SDF4: variants seen among roughly 807,000 people sequenced by gnomAD.
SDF4 encodes stromal cell derived factor 4, also known as 45 kDa calcium-binding protein.
Under a neutral mutation model 34.2 loss-of-function variants are expected in SDF4, and 22 were observed. The observed-to-expected ratio is 0.64, with a 90% confidence interval of 0.46 to 0.92. The LOEUF is 0.92. Ranked by LOEUF, SDF4 falls within the 40% of genes least tolerant of loss-of-function variation. The pLI is 0.00. For missense variants in SDF4, 447 were observed against 499.9 expected, an observed-to-expected ratio of 0.89 and a Z score of 1.01; for synonymous variants, 236 against 203.1, an observed-to-expected ratio of 1.16 and a Z score of -1.38.
At position 1,228,711 on chromosome 1, in the gene SDF4, G is replaced by A. The variant is rs1191724470; in HGVS notation, c.62C>T (p.Ala21Val). Residue 21 changes from alanine to valine, a missense_variant, in exon 2 of 7, where the codon GCA (alanine) becomes GTA (valine). Coordinates refer to ENST00000360001, the MANE Select transcript of SDF4 (RefSeq NM_016176.6). Reference protein sequence around the residue: ...LAPCCLWLLGAVLLMDASARP... With the variant: ...LAPCCLWLLGVVLLMDASARP... ...TGCAGACGCGTCCATCAGAAGGACT[G>A]CCCCCAGGAGCCAGAGGCAGCACGG... 14 of 1,612,754 alleles carry A rather than the reference G, an allele frequency of 8.7e-6. No individual in the cohort carries two copies. The highest frequency in any genetic ancestry group is 1.7e-5 in the Admixed American group (1 of 59,988).
rs200644350 is a variant in SDF4, at chr1:1,218,938, C to A, written c.557-11G>T. The A allele has an allele frequency of 5.6e-6, 9 of 1,610,168 alleles. No individual in the cohort carries two copies. The highest frequency in any genetic ancestry group is 7.6e-6 in the Non-Finnish European group (9 of 1,178,604). ...CCAGGACTTCCTGTGCTGAGAGGGGCGCAGCCTGTGGGTATCGAGGCCGAC... is the reference window on the plus strand; with the variant it reads ...CCAGGACTTCCTGTGCTGAGAGGGGAGCAGCCTGTGGGTATCGAGGCCGAC... On this transcript the variant is annotated splice_polypyrimidine_tract_variant and intron_variant, in intron 4 of 6. Coordinates refer to ENST00000360001, the MANE Select transcript of SDF4 (RefSeq NM_016176.6). The surrounding 1 kb of genome is among the most constrained non-coding windows in gnomAD (Gnocchi z 7.9).
intron 4 of SDF4, among the ~76,000 whole-genome samples, chr1:1,221,567 G>GT (rs1185965215): frequency 1.3e-5 from 2 of 152,146 alleles, no homozygotes; most frequent in African/African-American, 4.8e-5. Flanking sequence ...AGCCCAGGAT[G>GT]TGGAGGCTAC....
chr1:1,231,213 A>G (rs1638482988), intron 1 of SDF4, among the ~76,000 whole-genome samples: 1 of 152,216 alleles, frequency 6.6e-6, no homozygotes, highest in East Asian at 1.9e-4. Context: ...TTCGCAGCAC[A>G]GCGGAGCGGG....
At position 1,218,858 on chromosome 1, in the gene SDF4, A is replaced by G. The variant is rs759856530; in HGVS notation, c.626T>C (p.Leu209Pro). ...GAACGACAGGAACTCCTCCTCCGTC[A>G]GCAGCAGGTCTGCAGGGGGGCTGTC... ...QADSPPADLLLTEEEFLSFLH... is the reference protein window; with the variant it reads ...QADSPPADLLPTEEEFLSFLH... Residue 209 changes from leucine (L) to proline (P), a missense_variant, in exon 5 of 7, where the codon CTG (leucine) becomes CCG (proline). By Grantham distance (98) the Leu-to-Pro change is moderately conservative. Transcript: ENST00000360001. The surrounding 1 kb of genome is among the most constrained non-coding windows in gnomAD (Gnocchi z 7.9). The G allele has an allele frequency of 2.1e-5, 34 of 1,598,204 alleles. No homozygotes were observed. The highest frequency in any genetic ancestry group is 2.7e-5 in the Non-Finnish European group (32 of 1,169,268).
intron 1 of SDF4, 126 bp from the exon 2 acceptor site, chr1:1,229,072 ACCACACGTGGCACTGCCTTCTCCAG>A: frequency 2.5e-6 from 1 of 407,714 alleles, no homozygotes; most frequent in African/African-American, 2.9e-5. Flanking sequence ...CCTTCTCCAG[ACCACACGTGGCACTGCCTTCTCCAG>A]ACCACACGTG....
chr1:1,223,873 T>C lies in SDF4; in HGVS notation c.401A>G (p.Glu134Gly). ...TAEHFQEAMEESKTHFRAVDP... is the reference protein window; with the variant it reads ...TAEHFQEAMEGSKTHFRAVDP... ...CACGGCGCGGAAGTGTGTCTTGCTC[T>C]CCTCCATGGCCTCCTGGAAGTGCTC... Residue 134 changes from glutamate to glycine, a missense_variant, in exon 3 of 7, where the codon GAG becomes GGG. Transcript: ENST00000360001. 6.3e-7 allele frequency: 1 copy of C among 1,592,600 alleles called. No homozygotes were observed. Among genetic ancestry groups the C allele is most frequent in the South Asian group, 1.1e-5 (1 of 90,702 alleles).
intron 4 of SDF4, chr1:1,219,975 G>C: frequency 1.0e-6 from 1 of 985,654 alleles, no homozygotes; most frequent in Non-Finnish European, 1.2e-6. Flanking sequence ...AGGAGTGACG[G>C]GGCTGTGGTT....
At chr1:1,222,210 C>T (rs1650006662) in intron 4 of SDF4, among the ~76,000 whole-genome samples, 1 of 152,200 alleles carries the variant, frequency 6.6e-6, no homozygotes. Flanking sequence ...CGGGCATGAC[C>T]GGGAAGGGCA....
rs757736948 is a variant in SDF4, at chr1:1,217,860, C to G, written c.892-172G>C. ...ATGAAAACACAGGGCAGGGAGAAGCCGGGGGCCCCGGAAGGCCTGCCCGGG... is the reference window on the plus strand; with the variant it reads ...ATGAAAACACAGGGCAGGGAGAAGCGGGGGGCCCCGGAAGGCCTGCCCGGG... On this transcript the variant is annotated intron_variant, in intron 6 of 6. Coordinates refer to ENST00000360001, the MANE Select transcript of SDF4 (RefSeq NM_016176.6). The surrounding 1 kb of genome is among the most constrained non-coding windows in gnomAD (Gnocchi z 8.5). 6.8e-7 allele frequency: 1 copy of G among 1,480,226 alleles called. No homozygotes were observed. The highest frequency in any genetic ancestry group is 8.9e-7 in the Non-Finnish European group (1 of 1,121,402). 91.7% of individuals were successfully genotyped at this position (1,480,226 alleles called of 1,614,324 possible). A position where few individuals can be genotyped will look rare whatever the true frequency, so the allele number is the denominator to read the frequency against.
intron 2 of SDF4, among the ~76,000 whole-genome samples, chr1:1,224,969 A>C (rs556020421): frequency 1.2e-4 from 19 of 152,348 alleles, no homozygotes; most frequent in Admixed American, 5.9e-4. Context: ...TTTAGGAAGA[A>C]GACCGTGTGG....
chr1:1,217,438 G>C lies in SDF4; in HGVS notation c.*74C>G. The C allele has an allele frequency of 7.9e-7, 1 of 1,273,420 alleles. No individual in the cohort carries two copies. The highest frequency in any genetic ancestry group is 1.0e-6 in the Non-Finnish European group (1 of 987,366). 78.9% of individuals were successfully genotyped at this position (1,273,420 alleles called of 1,614,324 possible). ...CAGGGAAGAGGTGGGGTCCGGGACA[G>C]CCACGGAGCCCGGAGTCACCCGCGA... On this transcript the variant is annotated 3_prime_UTR_variant, in exon 7 of 7. Transcript: ENST00000360001. The surrounding 1 kb of genome is among the most constrained non-coding windows in gnomAD (Gnocchi z 8.5).
chr1:1,222,258 G>A lies in SDF4; in HGVS notation c.556+986C>T, dbSNP rs114036770. Reference sequence around the variant, plus strand: ...GGGTGGCAGCAACGCCACGGTACCCGCTCAGCTGTGCCTCACAACTGGGCC... The same window carrying A: ...GGGTGGCAGCAACGCCACGGTACCCACTCAGCTGTGCCTCACAACTGGGCC... On this transcript the variant is annotated intron_variant, in intron 4 of 6. Transcript: ENST00000360001. Among the ~76,000 whole-genome samples, 522 of 152,344 alleles carry A rather than the reference G, an allele frequency of 3.4e-3. 2 individuals carry two copies. Among genetic ancestry groups the A allele is most frequent in the African/African-American group, 5.0e-3 (208 of 41,580 alleles).
At chr1:1,230,997 TTTAC>T (rs1258088250) in intron 1 of SDF4, among the ~76,000 whole-genome samples, 1 of 152,186 alleles carries the variant, frequency 6.6e-6, no homozygotes, top group Non-Finnish European at 1.5e-5. Flanking sequence ...AGTTACACGG[TTTAC>T]TTGAGGCAGG....
intron 2 of SDF4, among the ~76,000 whole-genome samples, chr1:1,225,410 G>C (rs771204495): frequency 2.0e-5 from 3 of 152,208 alleles, no homozygotes; most frequent in Non-Finnish European, 4.4e-5. Flanking sequence ...TGGGACCTGG[G>C]CCAGGCAAGC....
chr1:1,217,768 A>G lies in SDF4; in HGVS notation c.892-80T>C, dbSNP rs1649614310. 6.2e-7 allele frequency: 1 copy of G among 1,603,098 alleles called. No homozygotes were observed. Among genetic ancestry groups the G allele is most frequent in the Non-Finnish European group, 8.5e-7 (1 of 1,175,974 alleles). On this transcript the variant is annotated intron_variant, in intron 6 of 6. Coordinates refer to ENST00000360001, the MANE Select transcript of SDF4 (RefSeq NM_016176.6). The surrounding 1 kb of genome is among the most constrained non-coding windows in gnomAD (Gnocchi z 8.5). ...GCCAGCCGCACGAAGTGGCTATTTA[A>G]GGTGCCTATTGGCTGCAGCGGGAGT...
At chr1:1,230,666 C>T (rs2100989790) in intron 1 of SDF4, among the ~76,000 whole-genome samples, 1 of 152,174 alleles carries the variant, frequency 6.6e-6, no homozygotes. Flanking sequence ...GCCATGTTGG[C>T]CAGGCTGGTC....
At chr1:1,231,600 C>T (rs1440466230) in intron 1 of SDF4, among the ~76,000 whole-genome samples, 1 of 152,238 alleles carries the variant, frequency 6.6e-6, no homozygotes, top group Non-Finnish European at 1.5e-5. Flanking sequence ...AAACGCGAGT[C>T]CAACCAGACC....
At chr1:1,229,532 T>A (rs1638428206) in intron 1 of SDF4, among the ~76,000 whole-genome samples, 1 of 151,926 alleles carries the variant, frequency 6.6e-6, no homozygotes, top group Admixed American at 6.6e-5. Flanking sequence ...AGACACTGAG[T>A]TTTCAGCCCT....
chr1:1,219,620 T>G (rs1403315140), intron 4 of SDF4: 2 of 986,598 alleles, frequency 2.0e-6, no homozygotes, highest in African/African-American at 3.5e-5. Context: ...GCACTGCCTC[T>G]GGGTGTGTGG....
Sources: allele counts gnomAD v4.1 joint callset (sites outside exome capture counted in the v4.1 genomes callset), GRCh38; gene constraint gnomAD v4.1.1; non-coding constraint Gnocchi (gnomAD v3.1); transcripts MANE v1.5; gene names NCBI Gene and HGNC (gene_info 2026-07-23, HGNC 2026-07-21).